GHR: variants seen among roughly 807,000 people sequenced by gnomAD.
GHR encodes the protein growth hormone receptor.
In GHR, 35 loss-of-function variants were observed where a neutral mutation model predicts 67.1. That is an observed-to-expected ratio of 0.52 (90% CI 0.40 to 0.69). The LOEUF (loss-of-function observed/expected upper bound fraction) is 0.69, where lower values mean the gene tolerates loss of function less well. Ranked by LOEUF, GHR falls within the 30% of genes least tolerant of loss-of-function variation. GHR has a pLI of 0.00. For synonymous variants in GHR, 272 were observed against 269.1 expected, an observed-to-expected ratio of 1.01 and a Z score of -0.10; for missense variants, 792 against 764.6, an observed-to-expected ratio of 1.04 and a Z score of -0.42.
At chr5:42,432,710 T>C (rs2111902334) in intron 1 of GHR, among the ~76,000 whole-genome samples, 1 of 152,158 alleles carries the variant, frequency 6.6e-6, no homozygotes, top group Admixed American at 6.5e-5. Context: ...CAAGATGAAA[T>C]AGATAAAGGA....
intron 2 of GHR, among the ~76,000 whole-genome samples, chr5:42,595,657 T>C (rs1389698906): frequency 6.6e-6 from 1 of 152,274 alleles, no homozygotes; most frequent in Non-Finnish European, 1.5e-5. Flanking sequence ...TTGATCCATT[T>C]GAGTGGGACT....
chr5:42,575,511 G>T (rs1750608300), intron 2 of GHR, among the ~76,000 whole-genome samples: 1 of 152,080 alleles, frequency 6.6e-6, no homozygotes, highest in Admixed American at 6.5e-5. Context: ...TCCAACAGTG[G>T]TGTGGGTGGG....
intron 1 of GHR, among the ~76,000 whole-genome samples, chr5:42,455,060 A>G (rs1561312819): frequency 6.6e-6 from 1 of 152,098 alleles, no homozygotes; most frequent in Non-Finnish European, 1.5e-5. Context: ...AGTGCCTACA[A>G]GACTCTTCCT....
intron 2 of GHR, among the ~76,000 whole-genome samples, chr5:42,601,225 T>C (rs1752364228): frequency 3.3e-5 from 5 of 152,134 alleles, no homozygotes; most frequent in Admixed American, 1.3e-4. Flanking sequence ...TTCTTATATT[T>C]TATTGTAACC....
chr5:42,480,512 G>A lies in GHR; in HGVS notation c.-12+56557G>A, dbSNP rs1202059074. On this transcript the variant is annotated intron_variant, in intron 1 of 9. Transcript: ENST00000230882. ...TGTTAAAGTCTCCCATTATTATTGT[G>A]TGGGAGTCTAAGTCTCTTAGTACGT... 2.6e-5 allele frequency among the ~76,000 whole-genome samples: 4 copies of A among 152,156 alleles called. No homozygotes were observed. In the East Asian group the frequency reaches 7.7e-4, roughly 29 times the overall value.
chr5:42,491,852 G>C (rs558711848), intron 1 of GHR, among the ~76,000 whole-genome samples: 2 of 152,192 alleles, frequency 1.3e-5, no homozygotes, highest in Non-Finnish European at 2.9e-5. Context: ...TCCAGGAGCA[G>C]ATGTAGATCT....
Position 42,689,032 on chromosome 5 carries a change from T to G in GHR, c.266+13T>G, listed in dbSNP as rs760450550. On this transcript the variant is annotated intron_variant, in intron 4 of 9. Transcript: ENST00000230882. ...TCTATACCAGAAGGTGCCACCATCA[T>G]GCCTTTCTGATTTTCCTCTCCATGG... 1 of 1,612,468 alleles carries G rather than the reference T, an allele frequency of 6.2e-7. No homozygotes were observed. The highest frequency in any genetic ancestry group is 8.5e-7 in the Non-Finnish European group (1 of 1,178,460).
chr5:42,627,334 G>A (rs1256454364), intron 2 of GHR, among the ~76,000 whole-genome samples: 1 of 152,032 alleles, frequency 6.6e-6, no homozygotes, highest in Non-Finnish European at 1.5e-5. Flanking sequence ...CTGTGTCTAG[G>A]CGTGAGACCA....
At chr5:42,574,629 T>C (rs1750542624) in intron 2 of GHR, among the ~76,000 whole-genome samples, 1 of 152,244 alleles carries the variant, frequency 6.6e-6, no homozygotes, top group African/African-American at 2.4e-5. Context: ...TATTTTGTCT[T>C]ACTTCTATAT....
Position 42,476,879 on chromosome 5 carries a change from A to T in GHR, c.-12+52924A>T, listed in dbSNP as rs559777974. 2.4e-3 allele frequency among the ~76,000 whole-genome samples: 362 copies of T among 152,016 alleles called. 1 individual carries two copies. The highest frequency in any genetic ancestry group is 2.3e-3 in the African/African-American group (94 of 41,480). ...CACTTGTGATTCTTTTTCTTTTTTT[A>T]AAAAATTTTATTATTATAATACTTT... On this transcript the variant is annotated intron_variant, in intron 1 of 9. Transcript: ENST00000230882.
At chr5:42,544,769 G>T (rs1356902762) in intron 1 of GHR, among the ~76,000 whole-genome samples, 1 of 152,052 alleles carries the variant, frequency 6.6e-6, no homozygotes, top group Non-Finnish European at 1.5e-5. Context: ...ATTTAAACAA[G>T]CCAATGAACA....
At chr5:42,549,207 C>A (rs191396528) in intron 1 of GHR, among the ~76,000 whole-genome samples, 1 of 152,270 alleles carries the variant, frequency 6.6e-6, no homozygotes. Flanking sequence ...TCCCATAATG[C>A]CTGATGTGAT....
At chr5:42,531,110 A>T (rs1210998115) in intron 1 of GHR, among the ~76,000 whole-genome samples, 1 of 152,074 alleles carries the variant, frequency 6.6e-6, no homozygotes, top group Non-Finnish European at 1.5e-5. Context: ...TCTACTAAAA[A>T]TACAAAAATT....
chr5:42,529,336 A>C (rs1227936211), intron 1 of GHR, among the ~76,000 whole-genome samples: 2 of 152,158 alleles, frequency 1.3e-5, no homozygotes, highest in Non-Finnish European at 2.9e-5. Flanking sequence ...ATACAGTAGG[A>C]AACCAAAAAA....
intron 2 of GHR, among the ~76,000 whole-genome samples, chr5:42,614,650 A>C (rs754593256): frequency 3.3e-5 from 5 of 150,668 alleles, no homozygotes; most frequent in Non-Finnish European, 7.4e-5. Flanking sequence ...ATAATGACTA[A>C]AGAAAAATAC....
At chr5:42,644,940 A>G (rs1304662212) in intron 3 of GHR, among the ~76,000 whole-genome samples, 1 of 152,190 alleles carries the variant, frequency 6.6e-6, no homozygotes, top group East Asian at 1.9e-4. Flanking sequence ...CCATGAGAAT[A>G]TTATGAAGTA....
intron 1 of GHR, among the ~76,000 whole-genome samples, chr5:42,448,634 T>A (rs1024827647): frequency 6.6e-6 from 1 of 150,700 alleles, no homozygotes; most frequent in Non-Finnish European, 1.5e-5. Flanking sequence ...AGCTTTTTAA[T>A]TAATTAGGTC....
At chr5:42,467,800 T>A in intron 1 of GHR, 1 of 1,443,372 alleles carries the variant, frequency 6.9e-7, no homozygotes, top group Non-Finnish European at 9.6e-7. Context: ...CATGCTACAA[T>A]GTAAAAGACT....
intron 1 of GHR, among the ~76,000 whole-genome samples, chr5:42,499,679 T>C (rs1163944514): frequency 6.6e-6 from 1 of 152,192 alleles, no homozygotes; most frequent in Non-Finnish European, 1.5e-5. Flanking sequence ...ACTTAGGGAA[T>C]CAAGTTCAGG....
Sources: allele counts gnomAD v4.1 joint callset (sites outside exome capture counted in the v4.1 genomes callset), GRCh38; gene constraint gnomAD v4.1.1; transcripts MANE v1.5; gene names NCBI Gene and HGNC (gene_info 2026-07-23, HGNC 2026-07-21).